The following SYNDIG1 variants were observed in gnomAD, a reference collection of about 807,000 sequenced individuals.
SYNDIG1 encodes the protein synapse differentiation inducing 1.
SYNDIG1 carries 9 observed loss-of-function variants against 19.4 expected under a neutral mutation model. That is an observed-to-expected ratio of 0.46 (90% CI 0.28 to 0.81). SYNDIG1 has a LOEUF of 0.81. SYNDIG1 is among the 30% of genes least tolerant of loss of function. The pLI is 0.12. For synonymous variants in SYNDIG1, 141 were observed against 145.9 expected (o/e 0.97, Z 0.24); for missense variants, 311 against 343.3 (o/e 0.91, Z 0.74).
chr20:24,510,915 G>A (rs923743267), intron 1 of SYNDIG1, among the ~76,000 whole-genome samples: 1 of 152,074 alleles, frequency 6.6e-6, no homozygotes, highest in African/African-American at 2.4e-5. Context: ...AGTATCATCA[G>A]TTCCATATTC....
At chr20:24,505,451 A>T (rs1207832877) in intron 1 of SYNDIG1, among the ~76,000 whole-genome samples, 1 of 152,162 alleles carries the variant, frequency 6.6e-6, no homozygotes. Flanking sequence ...CAAACCCCAG[A>T]TCTGCCCCCC....
At chr20:24,565,387 G>A (rs184439101) in intron 2 of SYNDIG1, among the ~76,000 whole-genome samples, 14 of 152,290 alleles carry the variant, frequency 9.2e-5, no homozygotes, top group African/African-American at 2.4e-4. Flanking sequence ...TCATTCAGCC[G>A]AGATAACAGT....
At chr20:24,563,656 C>T (rs2057986751) in intron 2 of SYNDIG1, among the ~76,000 whole-genome samples, 1 of 152,202 alleles carries the variant, frequency 6.6e-6, no homozygotes, top group African/African-American at 2.4e-5. Context: ...GGCTGGAGTG[C>T]AGTGGCACAA....
chr20:24,625,999 C>T (rs957931246), intron 3 of SYNDIG1, among the ~76,000 whole-genome samples: 32 of 149,524 alleles, frequency 2.1e-4, no homozygotes, highest in Non-Finnish European at 4.0e-4. Flanking sequence ...GGGGCTGGCC[C>T]CCCCACCTCC....
At chr20:24,569,931 T>TTCTGTCTGTTGTA (rs1243001671) in intron 2 of SYNDIG1, among the ~76,000 whole-genome samples, 3 of 152,234 alleles carry the variant, frequency 2.0e-5, no homozygotes, top group Admixed American at 6.5e-5. Context: ...CTTTTAAGTG[T>TTCTGTCTGTTGTA]TCTGTCTGTT....
Position 24,543,018 on chromosome 20 carries a change from A to C in SYNDIG1, c.-78-2A>C. ...TCTCATCTCTGTTTTCTCCTCCTCC[A>C]GGAGAAATGGCTTCCCTGAGGCAAG... On this transcript the variant is annotated splice_acceptor_variant, in intron 1 of 3. Coordinates refer to ENST00000376862, the MANE Select transcript of SYNDIG1 (RefSeq NM_024893.3). LOFTEE classifies it low-confidence loss of function (5UTR_SPLICE). The C allele has an allele frequency of 5.2e-6, 8 of 1,547,838 alleles. No individual in the cohort carries two copies. Among genetic ancestry groups the C allele is most frequent in the Non-Finnish European group, 7.0e-6 (8 of 1,145,592 alleles).
intron 3 of SYNDIG1, among the ~76,000 whole-genome samples, 198 bp from the exon 4 acceptor site, chr20:24,665,148 A>G (rs2059636154): frequency 6.6e-6 from 1 of 152,144 alleles, no homozygotes; most frequent in South Asian, 2.1e-4. Context: ...GGGGAGCAGC[A>G]GCAGGCCCCA....
chr20:24,507,228 C>G (rs925151067), intron 1 of SYNDIG1, among the ~76,000 whole-genome samples: 4 of 152,222 alleles, frequency 2.6e-5, no homozygotes, highest in African/African-American at 9.6e-5. Flanking sequence ...GACCTCCCCC[C>G]ACAGCCTGCC....
intron 1 of SYNDIG1, among the ~76,000 whole-genome samples, chr20:24,477,809 G>A (rs1156727263): frequency 6.6e-6 from 1 of 152,212 alleles, no homozygotes; most frequent in Non-Finnish European, 1.5e-5. Flanking sequence ...GACTGAGGCT[G>A]GGGTGCGATG....
intron 1 of SYNDIG1, among the ~76,000 whole-genome samples, chr20:24,535,257 G>A (rs2057338431): frequency 6.6e-6 from 1 of 152,214 alleles, no homozygotes; most frequent in African/African-American, 2.4e-5. Context: ...GAGAGCATAG[G>A]AGTAGCTCTT....
At chr20:24,652,059 GGTT>G (rs1440351569) in intron 3 of SYNDIG1, among the ~76,000 whole-genome samples, 1 of 152,228 alleles carries the variant, frequency 6.6e-6, no homozygotes, top group African/African-American at 2.4e-5. Context: ...AGAAAAAAAT[GGTT>G]GTTGTTCAAG....
At chr20:24,637,262 A>G (rs902208410) in intron 3 of SYNDIG1, among the ~76,000 whole-genome samples, 1 of 152,252 alleles carries the variant, frequency 6.6e-6, no homozygotes, top group African/African-American at 2.4e-5. Context: ...CAAGAAACCC[A>G]GCACTCTGTG....
intron 1 of SYNDIG1, among the ~76,000 whole-genome samples, chr20:24,477,369 C>T (rs1331684051): frequency 6.6e-6 from 1 of 151,998 alleles, no homozygotes; most frequent in African/African-American, 2.4e-5. Flanking sequence ...AGCAGGGCCA[C>T]ATGGACACCT....
At chr20:24,583,226 C>T (rs1391315146) in intron 2 of SYNDIG1, among the ~76,000 whole-genome samples, 2 of 152,234 alleles carry the variant, frequency 1.3e-5, no homozygotes, top group Non-Finnish European at 2.9e-5. Flanking sequence ...TGGGGGCACT[C>T]AGGCATCGGT....
intron 1 of SYNDIG1, among the ~76,000 whole-genome samples, chr20:24,503,363 A>G (rs115381480): frequency 0.012 from 1,902 of 152,296 alleles, 39 homozygotes; most frequent in African/African-American, 0.043. Flanking sequence ...ATGAGATCAC[A>G]CCAAGAGGGA....
chr20:24,575,926 GA>G (rs2058220279), intron 2 of SYNDIG1, among the ~76,000 whole-genome samples: 1 of 152,180 alleles, frequency 6.6e-6, no homozygotes. Context: ...CAGGGACTCT[GA>G]GACATCCACC....
intron 3 of SYNDIG1, among the ~76,000 whole-genome samples, chr20:24,587,123 A>G (rs1214782198): frequency 1.3e-5 from 2 of 152,220 alleles, no homozygotes; most frequent in African/African-American, 2.4e-5. Flanking sequence ...TGCACTTTCT[A>G]TAGAGGCTTC....
At chr20:24,491,235 C>T (rs777790478) in intron 1 of SYNDIG1, among the ~76,000 whole-genome samples, 24 of 152,212 alleles carry the variant, frequency 1.6e-4, no homozygotes, top group African/African-American at 5.1e-4. Flanking sequence ...TCTTTGAAGG[C>T]ACAAGTGGTG....
chr20:24,480,677 A>G (rs150152324), intron 1 of SYNDIG1, among the ~76,000 whole-genome samples: 1 of 152,362 alleles, frequency 6.6e-6, no homozygotes, highest in Non-Finnish European at 1.5e-5. Context: ...GCACATGCCC[A>G]TTTTGATAGT....
Sources: gnomAD v4.1 joint callset for allele counts (sites outside exome capture counted in the v4.1 genomes callset) on GRCh38, gnomAD v4.1.1 for gene constraint, MANE v1.5 for transcripts, NCBI Gene and HGNC (gene_info 2026-07-23, HGNC 2026-07-21) for gene names.